The following ZNF148 variants were observed in gnomAD, a reference collection of about 807,000 sequenced individuals.
ZNF148 encodes zinc finger protein 148, also known as Beta-Enolase Repressor Factor-1.
ZNF148 carries 7 observed loss-of-function variants against 67.7 expected under a neutral mutation model. That is an observed-to-expected ratio of 0.10 (90% confidence interval 0.06 to 0.19). The LOEUF (loss-of-function observed/expected upper bound fraction) is 0.19, where lower values mean the gene tolerates loss of function less well. Among genes scored for constraint, ZNF148 ranks in the 10% least tolerant of loss-of-function variants. The pLI, the probability that ZNF148 is intolerant of heterozygous loss-of-function variation, is 1.00. For synonymous variants in ZNF148, 333 were observed against 330.7 expected, an observed-to-expected ratio of 1.01 and a Z score of -0.08; for missense variants, 583 against 947.1, an observed-to-expected ratio of 0.62 and a Z score of 5.05.
At chr3:125,326,738 A>G (rs1169715211) in intron 2 of ZNF148, among the ~76,000 whole-genome samples, 1 of 147,402 alleles carries the variant, frequency 6.8e-6, no homozygotes, top group Admixed American at 6.8e-5. Context: ...AAATATACAT[A>G]TTTATATGTA....
At chr3:125,375,018 C>G (rs902258818) in intron 1 of ZNF148, 84 bp downstream of exon 1, 18 of 151,308 alleles carry the variant, frequency 1.2e-4, no homozygotes, top group African/African-American at 3.9e-4. Context: ...CAGGCCGTTA[C>G]CGCCGCGCGC....
chr3:125,321,098 A>T (rs889124879), intron 3 of ZNF148, among the ~76,000 whole-genome samples: 2 of 152,180 alleles, frequency 1.3e-5, no homozygotes, highest in African/African-American at 4.8e-5. Context: ...AATAAAACAA[A>T]ATCTATTTCT....
At chr3:125,347,177 C>G (rs899534960) in intron 1 of ZNF148, among the ~76,000 whole-genome samples, 2 of 151,932 alleles carry the variant, frequency 1.3e-5, no homozygotes, top group Non-Finnish European at 2.9e-5. Context: ...ACAAAACATC[C>G]CTGAAAGAAA....
In ZNF148 at chr3:125,321,299, G is replaced by A. The variant is rs188009696; in HGVS notation, c.-17+2010C>T. Among the ~76,000 whole-genome samples the A allele has an allele frequency of 3.7e-4, 56 of 152,150 alleles. 1 individual carries two copies. The East Asian group carries it at 7.7e-3, about 21-fold the overall frequency. ...CTGATCAGTGCTAACAAGAAAGGATGTTTAAACAAATATCTATTTCAATAG... is the reference window on the plus strand; with the variant it reads ...CTGATCAGTGCTAACAAGAAAGGATATTTAAACAAATATCTATTTCAATAG... On this transcript the variant is annotated intron_variant, in intron 3 of 8. Coordinates refer to ENST00000360647, the MANE Select transcript of ZNF148 (RefSeq NM_021964.3).
rs955916292 is a variant in ZNF148, at chr3:125,232,051, C to T, written c.*290G>A. The T allele has an allele frequency of 1.1e-5, 3 of 282,798 alleles. No homozygotes were observed. The highest frequency in any genetic ancestry group is 4.6e-5 in the Admixed American group (1 of 21,632). The allele number at this position is 282,798 out of a possible 1,614,324, so 17.5% of individuals were successfully genotyped here. On this transcript the variant is annotated 3_prime_UTR_variant, in exon 9 of 9. Coordinates refer to ENST00000360647, the MANE Select transcript of ZNF148 (RefSeq NM_021964.3). The surrounding 1 kb of genome is among the most constrained non-coding windows in gnomAD (Gnocchi z 4.2). Reference sequence around the variant, plus strand: ...TGTTATCAGTTAGGAAACAATTGTGCGAAAGTCTTTTTTTTTTCCTTTTTA... The same window carrying T: ...TGTTATCAGTTAGGAAACAATTGTGTGAAAGTCTTTTTTTTTTCCTTTTTA...
At chr3:125,317,597 T>A (rs774424741) in intron 3 of ZNF148, among the ~76,000 whole-genome samples, 21 of 148,070 alleles carry the variant, frequency 1.4e-4, no homozygotes, top group Non-Finnish European at 2.5e-4. Flanking sequence ...CCAAGATACA[T>A]TAAGTGAAAA....
At chr3:125,329,655 G>A (rs1283684827) in intron 2 of ZNF148, among the ~76,000 whole-genome samples, 1 of 151,524 alleles carries the variant, frequency 6.6e-6, no homozygotes, top group Admixed American at 6.6e-5. Context: ...ATCGCGCCTA[G>A]CCAGATATAT....
rs77497350 is a variant in ZNF148 at position 125,246,560 on chromosome 3, T to A, written c.668-12231A>T. On this transcript the variant is annotated intron_variant, in intron 7 of 8. Transcript: ENST00000360647. ...CAGAGCCAAATGTTAAATGAGATAA[T>A]TAATGTGAAGTAGGAATTTAAGAAA... Among the ~76,000 whole-genome samples, 28 of 152,210 alleles carry A rather than the reference T, an allele frequency of 1.8e-4. No individual in the cohort carries two copies. The East Asian group carries it at 5.2e-3, about 28-fold the overall frequency.
intron 7 of ZNF148, among the ~76,000 whole-genome samples, chr3:125,245,547 C>T (rs577065543): frequency 3.9e-5 from 6 of 152,328 alleles, no homozygotes; most frequent in Non-Finnish European, 4.4e-5. Flanking sequence ...CAACTTACAG[C>T]TTATGCCACA....
rs1488593884 is a variant in ZNF148 at position 125,227,962 on chromosome 3, T to C, written c.*4379A>G. ...AATATCTACTCACTTGAAACTATAA[T>C]AGGTTTGTCTTTCTTTGTATTGAAG... On this transcript the variant is annotated 3_prime_UTR_variant, in exon 9 of 9. Transcript: ENST00000360647. 6.6e-6 allele frequency: 1 copy of C among 152,614 alleles called. No individual in the cohort carries two copies. Among genetic ancestry groups the C allele is most frequent in the Non-Finnish European group, 1.5e-5 (1 of 68,034 alleles). 9.5% of individuals were successfully genotyped at this position (152,614 alleles called of 1,614,324 possible).
At chr3:125,260,871 GCTT>G (rs1937304998) in intron 7 of ZNF148, among the ~76,000 whole-genome samples, 1 of 152,132 alleles carries the variant, frequency 6.6e-6, no homozygotes, top group Non-Finnish European at 1.5e-5. Context: ...AAAATCCTGA[GCTT>G]TTTTGCAAAA....
chr3:125,348,400 G>C (rs562362387), intron 1 of ZNF148, among the ~76,000 whole-genome samples: 1 of 151,118 alleles, frequency 6.6e-6, no homozygotes, highest in Non-Finnish European at 1.5e-5. Context: ...AGGATCACTC[G>C]GGCCCGAGAC....
chr3:125,255,776 C>G (rs1443584234), intron 7 of ZNF148, among the ~76,000 whole-genome samples: 1 of 152,072 alleles, frequency 6.6e-6, no homozygotes, highest in Non-Finnish European at 1.5e-5. Flanking sequence ...CCATTTTTCT[C>G]TGACATTCCA....
chr3:125,337,370 A>T (rs1252539315), intron 1 of ZNF148, among the ~76,000 whole-genome samples: 2 of 152,202 alleles, frequency 1.3e-5, no homozygotes, highest in African/African-American at 2.4e-5. Context: ...TTCCAGAAGA[A>T]ACATTCCAAA....
chr3:125,253,001 T>C (rs1936911581), intron 7 of ZNF148, among the ~76,000 whole-genome samples: 2 of 152,164 alleles, frequency 1.3e-5, no homozygotes, highest in African/African-American at 4.8e-5. Context: ...TAAAATCAGT[T>C]TGAAAGCTCT....
At chr3:125,293,397 A>C (rs1335500857) in intron 4 of ZNF148, among the ~76,000 whole-genome samples, 1 of 152,178 alleles carries the variant, frequency 6.6e-6, no homozygotes, top group Non-Finnish European at 1.5e-5. Flanking sequence ...TGCTGAGGTC[A>C]CTGAAAAGCA....
At chr3:125,251,430 T>A (rs990670505) in intron 7 of ZNF148, among the ~76,000 whole-genome samples, 3 of 152,200 alleles carry the variant, frequency 2.0e-5, no homozygotes, top group African/African-American at 7.2e-5. Flanking sequence ...TTTGAGGAAT[T>A]TTCTCAAAGT....
intron 4 of ZNF148, among the ~76,000 whole-genome samples, chr3:125,297,137 AT>A (rs34037323): frequency 0.77 from 116,754 of 151,540 alleles, 45,521 homozygotes; most frequent in African/African-American, 0.85. Flanking sequence ...ATTAAAAAAA[AT>A]ATTATTATCT....
intron 3 of ZNF148, among the ~76,000 whole-genome samples, chr3:125,322,027 C>CTTTTTT (rs35879999): frequency 1.2e-4 from 10 of 82,922 alleles, no homozygotes; most frequent in Non-Finnish European, 1.9e-4. Context: ...TAATCAACGG[C>CTTTTTT]TTTTTTTTTT....
Sources: gnomAD v4.1 joint callset for allele counts (sites outside exome capture counted in the v4.1 genomes callset) on GRCh38, gnomAD v4.1.1 for gene constraint, Gnocchi (gnomAD v3.1) non-coding constraint, MANE v1.5 for transcripts, NCBI Gene and HGNC (gene_info 2026-07-23, HGNC 2026-07-21) for gene names.